Variants in PHF24 observed in about 807,000 individuals in gnomAD.
PHF24 encodes Galpha inhibitory interacting protein.
PHF24 carries 25 observed loss-of-function variants against 42.6 expected under a neutral mutation model. The ratio of observed to expected loss-of-function variants is 0.59; its 90% CI spans 0.43 to 0.82. The LOEUF (loss-of-function observed/expected upper bound fraction) is 0.82. Among genes scored for constraint, PHF24 ranks in the 40% least tolerant of loss-of-function variants. The pLI, the probability that PHF24 is intolerant of heterozygous loss-of-function variation, is 0.00. For synonymous variants in PHF24, 185 were observed against 204.8 expected, an observed-to-expected ratio of 0.90 and a Z score of 0.83; for missense variants, 470 against 538.1, an observed-to-expected ratio of 0.87 and a Z score of 1.25.
chr9:34,673,441 TCTC>T, the PHF24 span, among the ~76,000 whole-genome samples: 1 of 151,978 alleles, frequency 6.6e-6, no homozygotes, highest in African/African-American at 2.4e-5. Flanking sequence ...CAGATAATCT[TCTC>T]CTTAATGAGA....
At chr9:34,852,837 G>A in the PHF24 span, among the ~76,000 whole-genome samples, 3 of 152,132 alleles carry the variant, frequency 2.0e-5, no homozygotes, top group Non-Finnish European at 4.4e-5. Flanking sequence ...GTGTTGCCCA[G>A]ATGGTCTTGA....
chr9:34,792,444 G>A, the PHF24 span, among the ~76,000 whole-genome samples: 1 of 152,208 alleles, frequency 6.6e-6, no homozygotes, highest in East Asian at 1.9e-4. Context: ...GCTGAGGCGG[G>A]CAGATCACCT....
chr9:34,791,492 G>A, the PHF24 span, among the ~76,000 whole-genome samples: 1 of 152,002 alleles, frequency 6.6e-6, no homozygotes, highest in South Asian at 2.1e-4. Context: ...GCAGAGGCTG[G>A]GTCTGAAGGT....
the PHF24 span, among the ~76,000 whole-genome samples, chr9:34,801,607 G>A: frequency 6.6e-6 from 1 of 152,028 alleles, no homozygotes; most frequent in African/African-American, 2.4e-5. Context: ...GGCACCTGTA[G>A]TCCCAGCTAC....
At chr9:34,851,758 C>T in the PHF24 span, among the ~76,000 whole-genome samples, 4 of 152,156 alleles carry the variant, frequency 2.6e-5, no homozygotes, top group African/African-American at 4.8e-5. Flanking sequence ...CCACCCTCAC[C>T]TAATTGTCGA....
the PHF24 span, among the ~76,000 whole-genome samples, chr9:34,717,620 A>G: frequency 6.6e-6 from 1 of 152,204 alleles, no homozygotes; most frequent in African/African-American, 2.4e-5. Context: ...ACGTGAAACC[A>G]AAGCTATCCT....
intron 1 of PHF24, among the ~76,000 whole-genome samples, chr9:34,969,379 C>T (rs1434945229): frequency 1.3e-5 from 2 of 151,130 alleles, no homozygotes; most frequent in South Asian, 2.1e-4. Flanking sequence ...CGGTGGCTCA[C>T]GCCTGTAATC....
the PHF24 span, among the ~76,000 whole-genome samples, chr9:34,930,452 G>A: frequency 3.3e-5 from 5 of 152,332 alleles, no homozygotes; most frequent in African/African-American, 1.2e-4. Context: ...TGTGGGCCTG[G>A]TGTCCTAAAT....
the PHF24 span, among the ~76,000 whole-genome samples, chr9:34,841,221 G>T: frequency 4.6e-5 from 7 of 152,022 alleles, no homozygotes; most frequent in Non-Finnish European, 1.0e-4. Flanking sequence ...GGATGGTCTC[G>T]ATCTCCTGAC....
At chr9:34,710,030 C>T in the PHF24 span, 8 of 1,614,102 alleles carry the variant, frequency 5.0e-6, no homozygotes, top group African/African-American at 4.0e-5. Flanking sequence ...AAGGCCAGAA[C>T]CAGGATAAGG....
At chr9:34,826,878 T>C in the PHF24 span, among the ~76,000 whole-genome samples, 1 of 152,212 alleles carries the variant, frequency 6.6e-6, no homozygotes, top group Non-Finnish European at 1.5e-5. Context: ...TTTTGCTTCT[T>C]GCCTCTCTTC....
chr9:34,715,888 T>G, the PHF24 span, among the ~76,000 whole-genome samples: 1 of 152,200 alleles, frequency 6.6e-6, no homozygotes, highest in African/African-American at 2.4e-5. Context: ...CCACATTCCC[T>G]TCAGTCTCAG....
the PHF24 span, among the ~76,000 whole-genome samples, chr9:34,741,052 A>G: frequency 4.0e-5 from 6 of 151,872 alleles, no homozygotes; most frequent in African/African-American, 1.5e-4. Flanking sequence ...TGCCCGGCTA[A>G]TTTTTGTATT....
chr9:34,735,194 G>A, the PHF24 span, among the ~76,000 whole-genome samples: 1 of 139,152 alleles, frequency 7.2e-6, no homozygotes, highest in South Asian at 2.3e-4. Flanking sequence ...GGAGTGCAAT[G>A]GTTCAATCTC....
the PHF24 span, chr9:34,723,962 G>A: frequency 3.2e-6 from 5 of 1,550,964 alleles, no homozygotes; most frequent in Middle Eastern, 1.7e-4. Context: ...GGACCCTCGG[G>A]GTGTCTTGTT....
intron 1 of PHF24, among the ~76,000 whole-genome samples, chr9:34,963,265 T>G (rs1431828927): frequency 1.3e-5 from 2 of 151,634 alleles, no homozygotes; most frequent in Non-Finnish European, 2.9e-5. Flanking sequence ...ATGGTTTTTT[T>G]TTTTTTTTTT....
the PHF24 span, among the ~76,000 whole-genome samples, chr9:34,842,757 A>G: frequency 6.6e-6 from 1 of 152,226 alleles, no homozygotes; most frequent in Admixed American, 6.5e-5. Context: ...TTATAGCAGC[A>G]TGAATGATTA....
the PHF24 span, among the ~76,000 whole-genome samples, chr9:34,840,071 G>A: frequency 6.6e-6 from 1 of 152,186 alleles, no homozygotes; most frequent in African/African-American, 2.4e-5. Context: ...TGAATGGATT[G>A]GAGAGCAATT....
At chr9:34,869,229 C>A in the PHF24 span, among the ~76,000 whole-genome samples, 1 of 152,102 alleles carries the variant, frequency 6.6e-6, no homozygotes, top group Non-Finnish European at 1.5e-5. Context: ...ATGCATGTAT[C>A]TTTATAATAG....
Sources: gnomAD v4.1 joint callset for allele counts (sites outside exome capture counted in the v4.1 genomes callset) on GRCh38, gnomAD v4.1.1 for gene constraint, MANE v1.5 for transcripts, NCBI Gene and HGNC (gene_info 2026-07-23, HGNC 2026-07-21) for gene names.